IPO11: variants seen among roughly 807,000 people sequenced by gnomAD.
IPO11 encodes the protein importin-11.
A neutral mutation model predicts 143.2 loss-of-function variants in IPO11; 66 were observed. That is an observed-to-expected ratio of 0.46 (90% CI 0.38 to 0.57). The LOEUF is 0.57. Among genes scored for constraint, IPO11 ranks in the 20% least tolerant of loss-of-function variants. The pLI is 0.00. For missense variants in IPO11, 1,026 were observed against 1,141.0 expected, an observed-to-expected ratio of 0.90 and a Z score of 1.45; for synonymous variants, 385 against 377.8, an observed-to-expected ratio of 1.02 and a Z score of -0.22.
At chr5:62,442,735 G>A (rs1287714217) in intron 2 of IPO11, among the ~76,000 whole-genome samples, 1 of 152,020 alleles carries the variant, frequency 6.6e-6, no homozygotes, top group African/African-American at 2.4e-5. Context: ...TTGGTGGCAG[G>A]CACCTGTAAC....
chr5:62,538,717 T>C (rs1455616081), intron 24 of IPO11, among the ~76,000 whole-genome samples: 1 of 152,228 alleles, frequency 6.6e-6, no homozygotes, highest in Non-Finnish European at 1.5e-5. Flanking sequence ...ACTCATACAT[T>C]AACCAGTAAG....
intron 27 of IPO11, chr5:62,575,966 G>A (rs1245914708): frequency 6.6e-6 from 1 of 152,112 alleles, no homozygotes; most frequent in African/African-American, 2.4e-5. Flanking sequence ...TCTTTAAGGG[G>A]TTACAGCATC....
intron 29 of IPO11, 32 bp downstream of exon 29, chr5:62,601,880 G>A (rs1158049812): frequency 7.5e-7 from 1 of 1,338,786 alleles, no homozygotes. Context: ...TAAAAATTAA[G>A]AACCATATAT....
intron 26 of IPO11, among the ~76,000 whole-genome samples, chr5:62,558,098 A>G (rs1743638332): frequency 1.3e-5 from 2 of 152,238 alleles, no homozygotes; most frequent in South Asian, 4.1e-4. Context: ...CTCAGCTGAT[A>G]GATGTCAGTG....
chr5:62,422,632 C>T (rs952248080), intron 1 of IPO11: 2 of 152,110 alleles, frequency 1.3e-5, no homozygotes, highest in African/African-American at 2.4e-5. Flanking sequence ...AGATTAGTCA[C>T]GGGGAACTCT....
chr5:62,477,141 A>G (rs958689959), intron 9 of IPO11, among the ~76,000 whole-genome samples: 5 of 152,218 alleles, frequency 3.3e-5, no homozygotes, highest in Non-Finnish European at 7.4e-5. Flanking sequence ...CCATCAGACT[A>G]TCTTCGTCCA....
chr5:62,447,278 T>TA (rs1333659755), intron 3 of IPO11, among the ~76,000 whole-genome samples: 4 of 151,878 alleles, frequency 2.6e-5, no homozygotes, highest in African/African-American at 9.7e-5. Flanking sequence ...AATTTTTAAA[T>TA]TTTTTTTGTA....
intron 20 of IPO11, among the ~76,000 whole-genome samples, chr5:62,523,443 A>G (rs1243016939): frequency 2.6e-5 from 4 of 152,170 alleles, no homozygotes; most frequent in African/African-American, 7.2e-5. Context: ...TACGATTTTT[A>G]TTTTAGAAAA....
intron 21 of IPO11, among the ~76,000 whole-genome samples, chr5:62,527,920 G>T (rs1293336855): frequency 6.6e-6 from 1 of 152,150 alleles, no homozygotes; most frequent in Non-Finnish European, 1.5e-5. Flanking sequence ...GTAATTTTAA[G>T]AAGTTAATCA....
chr5:62,599,009 C>T (rs1226873144), intron 28 of IPO11, among the ~76,000 whole-genome samples: 1 of 152,086 alleles, frequency 6.6e-6, no homozygotes, highest in African/African-American at 2.4e-5. Context: ...TGTGTGTCCC[C>T]CACAACTTCC....
intron 26 of IPO11, among the ~76,000 whole-genome samples, chr5:62,552,551 A>G (rs1743424952): frequency 6.7e-6 from 1 of 150,302 alleles, no homozygotes; most frequent in Non-Finnish European, 1.5e-5. Flanking sequence ...AGCTCAAGTG[A>G]TCTTCCCACC....
chr5:62,565,289 C>T (rs970563947), intron 27 of IPO11, among the ~76,000 whole-genome samples: 1 of 152,134 alleles, frequency 6.6e-6, no homozygotes, highest in Non-Finnish European at 1.5e-5. Flanking sequence ...ACTTTGAGAC[C>T]AGCCTGGGCC....
intron 28 of IPO11, among the ~76,000 whole-genome samples, chr5:62,592,717 C>A (rs1745070164): frequency 6.6e-6 from 1 of 152,052 alleles, no homozygotes; most frequent in Admixed American, 6.6e-5. Context: ...CAAACATGTC[C>A]TTTTTCACGT....
intron 24 of IPO11, among the ~76,000 whole-genome samples, chr5:62,545,437 C>A (rs1040470408): frequency 1.3e-5 from 2 of 152,102 alleles, no homozygotes; most frequent in African/African-American, 4.8e-5. Flanking sequence ...ACACCTTATA[C>A]AAAAATTAAT....
intron 27 of IPO11, among the ~76,000 whole-genome samples, chr5:62,583,805 T>C (rs935445405): frequency 2.0e-5 from 3 of 152,190 alleles, no homozygotes; most frequent in African/African-American, 7.2e-5. Context: ...TGAGCAGCCC[T>C]AAGTTAAAAC....
At chr5:62,608,562 G>A (rs114313805) in intron 29 of IPO11, among the ~76,000 whole-genome samples, 277 of 152,222 alleles carry the variant, frequency 1.8e-3, no homozygotes, top group African/African-American at 6.3e-3. Context: ...GTCTCCACAC[G>A]TTATATGGTT....
chr5:62,434,069 A>G (rs552502119), intron 1 of IPO11, among the ~76,000 whole-genome samples: 6 of 152,144 alleles, frequency 3.9e-5, no homozygotes, highest in African/African-American at 1.4e-4. Context: ...CTTTTCTCCA[A>G]CTTCATTTTC....
intron 20 of IPO11, among the ~76,000 whole-genome samples, chr5:62,519,781 A>G (rs925788038): frequency 1.3e-5 from 2 of 152,208 alleles, no homozygotes; most frequent in Non-Finnish European, 2.9e-5. Flanking sequence ...TAATGGACTG[A>G]AATTGAGGTG....
intron 11 of IPO11, among the ~76,000 whole-genome samples, chr5:62,484,947 T>C (rs1746345643): frequency 6.6e-6 from 1 of 152,052 alleles, no homozygotes; most frequent in Non-Finnish European, 1.5e-5. Flanking sequence ...TTTCTTTATA[T>C]AGTACATACA....
Sources: allele counts gnomAD v4.1 joint callset (sites outside exome capture counted in the v4.1 genomes callset), GRCh38; gene constraint gnomAD v4.1.1; transcripts MANE v1.5; gene names NCBI Gene and HGNC (gene_info 2026-07-23, HGNC 2026-07-21).